The following GRM1 variants were observed in gnomAD, a reference collection of about 807,000 sequenced individuals.
GRM1 encodes the protein glutamate metabotropic receptor 1.
Under a neutral mutation model 90.9 loss-of-function variants are expected in GRM1, and 33 were observed. The observed-to-expected ratio is 0.36, with a 90% CI of 0.28 to 0.49. The LOEUF (loss-of-function observed/expected upper bound fraction) is 0.49, where lower values mean the gene tolerates loss of function less well. Among genes scored for constraint, GRM1 ranks in the 20% least tolerant of loss-of-function variants. GRM1 has a pLI of 0.99. For synonymous variants in GRM1, 700 were observed against 613.2 expected (o/e 1.14, Z -2.09); for missense variants, 1,190 against 1,534.3 (o/e 0.78, Z 3.75).
chr6:146,267,150 G>T (rs183179432), intron 2 of GRM1, among the ~76,000 whole-genome samples: 268 of 152,222 alleles, frequency 1.8e-3, no homozygotes, highest in African/African-American at 6.0e-3. Flanking sequence ...TTGGTTTTCT[G>T]TTCCTGCATT....
intron 3 of GRM1, among the ~76,000 whole-genome samples, chr6:146,305,107 G>T (rs928590631): frequency 4.0e-5 from 6 of 151,028 alleles, no homozygotes; most frequent in Admixed American, 2.0e-4. Flanking sequence ...TGAGGAGTCA[G>T]GTATCTAGTA....
At chr6:146,381,789 A>T (rs1270820873) in intron 5 of GRM1, among the ~76,000 whole-genome samples, 1 of 152,008 alleles carries the variant, frequency 6.6e-6, no homozygotes, top group Non-Finnish European at 1.5e-5. Flanking sequence ...TTACAAAGAA[A>T]ATTTTCTCTT....
intron 1 of GRM1, among the ~76,000 whole-genome samples, chr6:146,056,124 A>G (rs570494277): frequency 6.6e-6 from 1 of 152,310 alleles, no homozygotes; most frequent in South Asian, 2.1e-4. Context: ...GAAAGTTGAC[A>G]TGTTTGGAAT....
chr6:146,207,011 C>A (rs1779519488), intron 2 of GRM1, among the ~76,000 whole-genome samples: 3 of 152,196 alleles, frequency 2.0e-5, no homozygotes, highest in Admixed American at 6.5e-5. Flanking sequence ...GCATAGTATT[C>A]CATGGAGTAT....
Position 146,435,669 on chromosome 6 carries a change from G to A in GRM1, c.*873G>A, listed in dbSNP as rs1324967689. ...TCTCATGTTCCATATTCACTTATTG[G>A]CGATTTGGGGAAAAGGCCGGAACAA... is the stretch of plus-strand genomic sequence containing the variant. On this transcript the variant is annotated 3_prime_UTR_variant, in exon 8 of 8. Transcript: ENST00000282753. 6.6e-6 allele frequency: 1 copy of A among 152,550 alleles called. No individual in the cohort carries two copies. Among genetic ancestry groups the A allele is most frequent in the African/African-American group, 2.4e-5 (1 of 41,424 alleles). The allele number at this position is 152,550 out of a possible 1,614,324, so 9.4% of individuals were successfully genotyped here. A position where few individuals can be genotyped will look rare whatever the true frequency, so the allele number is the denominator to read the frequency against.
rs2206961 is a variant in GRM1, at chr6:146,380,961, C to T, written c.1603-5929C>T. Among the ~76,000 whole-genome samples the T allele has an allele frequency of 1.7e-3, 264 of 152,252 alleles. 4 individuals are homozygous for T. In the East Asian group the frequency reaches 0.036, roughly 21 times the overall value. On this transcript the variant is annotated intron_variant, in intron 5 of 7. Coordinates refer to ENST00000282753, the MANE Select transcript of GRM1 (RefSeq NM_001278064.2). The stretch of plus-strand genomic sequence containing the variant: ...AGGGGCTTCACAACTCTGATGGGTG[C>T]CCTATCCTGCTGTGGCTTAGCTGGT...
intron 3 of GRM1, 52 bp from the exon 4 acceptor site, chr6:146,352,198 G>A: frequency 6.3e-7 from 1 of 1,591,802 alleles, no homozygotes; most frequent in Non-Finnish European, 8.6e-7. Context: ...AAACCTGGGA[G>A]CCTAGTCTTT....
chr6:146,193,771 G>A (rs1422482424), intron 2 of GRM1, among the ~76,000 whole-genome samples: 1 of 151,838 alleles, frequency 6.6e-6, no homozygotes, highest in Non-Finnish European at 1.5e-5. Flanking sequence ...GCATTCTACT[G>A]TATTTTTAAC....
rs528243299 is a variant in GRM1, at chr6:146,120,351, G to A, written c.701-38997G>A. On this transcript the variant is annotated intron_variant, in intron 1 of 7. Transcript: ENST00000282753. Reference sequence around the variant, plus strand: ...GGAGATTTTGGGCTGAGACGATGGGGTTTTCTAGATATACAATCATGTCAT... The same window carrying A: ...GGAGATTTTGGGCTGAGACGATGGGATTTTCTAGATATACAATCATGTCAT... Among the ~76,000 whole-genome samples, 337 of 152,236 alleles carry A rather than the reference G, an allele frequency of 2.2e-3. 2 individuals are homozygous for A. In the South Asian group the frequency reaches 0.026, roughly 12 times the overall value.
chr6:146,191,175 G>C (rs923341182), intron 2 of GRM1, among the ~76,000 whole-genome samples: 1 of 152,172 alleles, frequency 6.6e-6, no homozygotes, highest in African/African-American at 2.4e-5. Context: ...TCCTTAGTCT[G>C]GATTAGGCTT....
chr6:146,098,285 G>T (rs1776938563), intron 1 of GRM1, among the ~76,000 whole-genome samples: 1 of 152,048 alleles, frequency 6.6e-6, no homozygotes, highest in African/African-American at 2.4e-5. Flanking sequence ...TTAACCAAAT[G>T]CCTTGGTAAG....
rs774945048 is a variant in GRM1, at chr6:146,434,082, A to AGAG, written c.2883_2885dup (p.Glu961dup). The AGAG allele has an allele frequency of 1.2e-6, 2 of 1,614,110 alleles. No individual in the cohort carries two copies. The highest frequency in any genetic ancestry group is 4.5e-5 in the East Asian group (2 of 44,876). On this transcript the variant is annotated inframe_insertion, in exon 8 of 8. Coordinates refer to ENST00000282753, the MANE Select transcript of GRM1 (RefSeq NM_001278064.2). ...CCAGCACCAAGACCCTTTACAACGT[A>AGAG]GAGGAGGAGGAGGATGCCCAGCCGA...
At chr6:146,241,891 T>C (rs975703936) in intron 2 of GRM1, among the ~76,000 whole-genome samples, 3 of 152,096 alleles carry the variant, frequency 2.0e-5, no homozygotes, top group African/African-American at 7.2e-5. Flanking sequence ...TTTTGTCCAG[T>C]GGTGAAGGTT....
intron 2 of GRM1, among the ~76,000 whole-genome samples, chr6:146,209,481 A>C (rs1779607434): frequency 1.3e-5 from 2 of 152,306 alleles, no homozygotes; most frequent in East Asian, 3.9e-4. Flanking sequence ...GTAATGAACC[A>C]TCACATAAAA....
At chr6:146,109,066 A>G (rs948290820) in intron 1 of GRM1, among the ~76,000 whole-genome samples, 1 of 152,232 alleles carries the variant, frequency 6.6e-6, no homozygotes, top group South Asian at 2.1e-4. Context: ...TTGCAGCCTG[A>G]CAATGCAATA....
At chr6:146,321,801 G>A (rs992419071) in intron 3 of GRM1, among the ~76,000 whole-genome samples, 2 of 151,884 alleles carry the variant, frequency 1.3e-5, no homozygotes, top group African/African-American at 2.4e-5. Flanking sequence ...CTCTTTTATT[G>A]CTTTCCATTT....
At chr6:146,156,390 A>G (rs908499554) in intron 1 of GRM1, among the ~76,000 whole-genome samples, 3 of 152,144 alleles carry the variant, frequency 2.0e-5, no homozygotes, top group Non-Finnish European at 4.4e-5. Flanking sequence ...TGGGCGACCA[A>G]GAGTGAGACT....
chr6:146,284,747 C>A (rs904127584), intron 2 of GRM1, among the ~76,000 whole-genome samples: 1 of 152,168 alleles, frequency 6.6e-6, no homozygotes, highest in East Asian at 1.9e-4. Context: ...TCACCTTCCA[C>A]CATGATGGTA....
Position 146,274,199 on chromosome 6 carries a change from A to G in GRM1, c.951-30412A>G, listed in dbSNP as rs190215944. On this transcript the variant is annotated intron_variant, in intron 2 of 7. Transcript: ENST00000282753. Reference sequence around the variant, plus strand: ...ATCAAGATTTCTTTTGAATAAGTAAAAACTTGGGGAAAAATGGCAAATAAT... The same window carrying G: ...ATCAAGATTTCTTTTGAATAAGTAAGAACTTGGGGAAAAATGGCAAATAAT... Among the ~76,000 whole-genome samples, 272 of 152,324 alleles carry G rather than the reference A, an allele frequency of 1.8e-3. 2 individuals carry two copies. The highest frequency in any genetic ancestry group is 6.0e-3 in the African/African-American group (249 of 41,578).
Sources: allele counts gnomAD v4.1 joint callset (sites outside exome capture counted in the v4.1 genomes callset), GRCh38; gene constraint gnomAD v4.1.1; transcripts MANE v1.5; gene names NCBI Gene and HGNC (gene_info 2026-07-23, HGNC 2026-07-21).